ADGRF5: variants seen among roughly 807,000 people sequenced by gnomAD.
ADGRF5 encodes adhesion G protein-coupled receptor F5.
In ADGRF5, 75 loss-of-function variants were observed where a neutral mutation model predicts 132.3. That is an observed-to-expected ratio of 0.57 (90% CI 0.47 to 0.69). The LOEUF (loss-of-function observed/expected upper bound fraction) is 0.69, where lower values mean the gene tolerates loss of function less well. ADGRF5 is among the 30% of genes least tolerant of loss of function. ADGRF5 has a pLI of 0.00. For missense variants in ADGRF5, 1,516 were observed against 1,630.6 expected, an observed-to-expected ratio of 0.93 and a Z score of 1.21; for synonymous variants, 629 against 597.6, an observed-to-expected ratio of 1.05 and a Z score of -0.77.
At position 46,853,971 on chromosome 6, in the gene ADGRF5, G is replaced by A. The variant is rs373405244; in HGVS notation, c.*21C>T. ...ACAGCCACTGTCCCCGGGAGGTCAC[G>A]TAGGTTGGATTATCCTGTTCTTAGT... On this transcript the variant is annotated 3_prime_UTR_variant, in exon 21 of 21. Coordinates refer to ENST00000283296, the MANE Select transcript of ADGRF5 (RefSeq NM_001098518.2). The A allele has an allele frequency of 1.0e-4, 160 of 1,547,610 alleles. No individual in the cohort carries two copies. Among genetic ancestry groups the A allele is most frequent in the Non-Finnish European group, 1.4e-4 (153 of 1,130,386 alleles).
chr6:46,933,864 C>T (rs1465726447), intron 1 of ADGRF5, among the ~76,000 whole-genome samples: 1 of 152,170 alleles, frequency 6.6e-6, no homozygotes, highest in Admixed American at 6.5e-5. Flanking sequence ...GCACAGTATA[C>T]AAAACATAGC....
intron 6 of ADGRF5, among the ~76,000 whole-genome samples, chr6:46,883,305 T>C (rs1184689721): frequency 6.6e-6 from 1 of 152,132 alleles, no homozygotes; most frequent in Non-Finnish European, 1.5e-5. Context: ...TTTTAGTGAA[T>C]TGATGCCACG....
chr6:46,925,035 A>T (rs755075206), upstream of ADGRF5, among the ~76,000 whole-genome samples: 40 of 152,194 alleles, frequency 2.6e-4, no homozygotes, highest in Non-Finnish European at 5.3e-4. Context: ...TGGTCCTTAT[A>T]AAATACAAGT....
At chr6:46,881,319 G>C (rs1772432014) in intron 8 of ADGRF5, 136 bp downstream of exon 8, 1 of 688,818 alleles carries the variant, frequency 1.5e-6, no homozygotes, top group South Asian at 1.8e-5. Flanking sequence ...TGGCATAAGA[G>C]GAGGAGGTGG....
chr6:46,943,417 T>G (rs1181926451), intron 1 of ADGRF5, among the ~76,000 whole-genome samples: 1 of 152,246 alleles, frequency 6.6e-6, no homozygotes, highest in Non-Finnish European at 1.5e-5. Flanking sequence ...ACCTACTTTG[T>G]GCAGAATACT....
At chr6:46,857,519 C>G (rs898818690) in intron 17 of ADGRF5, among the ~76,000 whole-genome samples, 3 of 152,124 alleles carry the variant, frequency 2.0e-5, no homozygotes, top group Non-Finnish European at 4.4e-5. Context: ...CTATCTATAC[C>G]TCTGTTATAG....
chr6:46,930,259 T>C (rs1296513303), intron 1 of ADGRF5, among the ~76,000 whole-genome samples: 2 of 152,206 alleles, frequency 1.3e-5, no homozygotes, highest in Non-Finnish European at 2.9e-5. Flanking sequence ...AAGTATAAAC[T>C]GTCACTTCTG....
rs553807265 is a variant in ADGRF5, at chr6:46,946,203, T to A, written c.-25+8531A>T. Among the ~76,000 whole-genome samples the A allele has an allele frequency of 3.9e-5, 6 of 152,046 alleles. No homozygotes were observed. The East Asian group carries it at 1.2e-3, about 29-fold the overall frequency. On this transcript the variant is annotated intron_variant, in intron 1 of 20. Transcript: ENST00000265417. ...GAAATGGCAGAGGGAAAGGAACCTG[T>A]AAAAAACAACTGAGAAGTTGCAGCC... is the stretch of plus-strand genomic sequence containing the variant.
chr6:46,894,425 C>T (rs1053643215), intron 3 of ADGRF5, among the ~76,000 whole-genome samples: 2 of 152,198 alleles, frequency 1.3e-5, no homozygotes, highest in Middle Eastern at 3.4e-3. Flanking sequence ...AAACACCAGA[C>T]TGTGAAGTCT....
chr6:46,904,241 G>A (rs369716752), intron 2 of ADGRF5, among the ~76,000 whole-genome samples: 1 of 152,212 alleles, frequency 6.6e-6, no homozygotes, highest in African/African-American at 2.4e-5. Context: ...TACCCCACAT[G>A]TGTATATTCA....
At chr6:46,859,663 G>A (rs1414816110) in intron 16 of ADGRF5, 140 bp from the exon 17 acceptor site, 4 of 610,426 alleles carry the variant, frequency 6.6e-6, no homozygotes, top group Admixed American at 3.1e-5. Context: ...CAGGCAGTGG[G>A]GATGTATGAC....
intron 1 of ADGRF5, among the ~76,000 whole-genome samples, chr6:46,913,235 C>T (rs1194865398): frequency 6.6e-6 from 1 of 152,046 alleles, no homozygotes; most frequent in Non-Finnish European, 1.5e-5. Flanking sequence ...AGGTGTCTCA[C>T]GCCTTTAATC....
intron 1 of ADGRF5, chr6:46,907,790 A>C (rs751468460): frequency 2.6e-5 from 4 of 152,168 alleles, no homozygotes; most frequent in Non-Finnish European, 5.9e-5. Flanking sequence ...GTCCTGTGTA[A>C]GTAATTTGTC....
At chr6:46,870,671 A>G in intron 11 of ADGRF5, 1 of 220,764 alleles carries the variant, frequency 4.5e-6, no homozygotes, top group South Asian at 4.9e-5. Flanking sequence ...TCATGGAACC[A>G]TGAATTTGGT....
At chr6:46,875,750 C>T (rs544190848) in intron 10 of ADGRF5, among the ~76,000 whole-genome samples, 2 of 152,214 alleles carry the variant, frequency 1.3e-5, no homozygotes, top group Admixed American at 1.3e-4. Context: ...GCACTCCAGC[C>T]TGGGTGACAA....
rs550967482 is a variant in ADGRF5, at chr6:46,885,107, T to A, written c.329-836A>T. Among the ~76,000 whole-genome samples, 7 of 150,632 alleles carry A rather than the reference T, an allele frequency of 4.6e-5. No individual in the cohort carries two copies. In the East Asian group the frequency reaches 1.4e-3, roughly 30 times the overall value. ...TACTCAGGAGGCTGAGGTGGGAGGA[T>A]TGCTTGAGCCTGGGAGGAAGAGGTT... is the stretch of plus-strand genomic sequence containing the variant. On this transcript the variant is annotated intron_variant, in intron 4 of 20. Coordinates refer to ENST00000283296, the MANE Select transcript of ADGRF5 (RefSeq NM_001098518.2).
chr6:46,910,885 T>C (rs1775878988), intron 1 of ADGRF5, among the ~76,000 whole-genome samples: 1 of 152,206 alleles, frequency 6.6e-6, no homozygotes, highest in South Asian at 2.1e-4. Context: ...CACTCAATAA[T>C]TTCAAAATTG....
chr6:46,905,013 C>T (rs1752654496), intron 2 of ADGRF5, among the ~76,000 whole-genome samples: 1 of 152,130 alleles, frequency 6.6e-6, no homozygotes, highest in Admixed American at 6.5e-5. Flanking sequence ...CCTGACCAGC[C>T]TTCACCACCA....
At chr6:46,932,666 G>A (rs560835888) in intron 1 of ADGRF5, among the ~76,000 whole-genome samples, 135 of 152,232 alleles carry the variant, frequency 8.9e-4, no homozygotes, top group Middle Eastern at 6.8e-3. Context: ...TACAATAGAA[G>A]GGTGACATCG....
Sources: gnomAD v4.1 joint callset for allele counts (sites outside exome capture counted in the v4.1 genomes callset) on GRCh38, gnomAD v4.1.1 for gene constraint, MANE v1.5 for transcripts, NCBI Gene and HGNC (gene_info 2026-07-23, HGNC 2026-07-21) for gene names.